The following KEAP1 variants were observed in gnomAD, a reference collection of about 807,000 sequenced individuals.
KEAP1 encodes the protein kelch like ECH associated protein 1, also known as kelch-like ECH-associated protein 1.
A neutral mutation model predicts 59.7 loss-of-function variants in KEAP1; 26 were observed. The ratio of observed to expected loss-of-function variants is 0.44; its 90% confidence interval spans 0.32 to 0.60. The LOEUF (loss-of-function observed/expected upper bound fraction) is 0.60, where lower values mean the gene tolerates loss of function less well. Ranked by LOEUF, KEAP1 falls within the 20% of genes least tolerant of loss-of-function variation. The pLI is 0.06. For missense variants in KEAP1, 539 were observed against 871.4 expected, an observed-to-expected ratio of 0.62 and a Z score of 4.80; for synonymous variants, 350 against 358.3, an observed-to-expected ratio of 0.98 and a Z score of 0.26.
rs781660010 is a variant in KEAP1 at position 10,492,032 on chromosome 19, G to A, written c.870C>T (p.Ile290=). The part of the protein sequence containing the change: ...FLQMQLQKCE[I]LQSDSRCKDY... ...CCTTGCAGCGGGAGTCGGACTGCAG[G>A]ATCTCGCACTTCTGCAGCTGCATCT... Residue 290 remains isoleucine (I), a synonymous_variant, in exon 3 of 6, where the codon ATC becomes ATT. Coordinates refer to ENST00000171111, the MANE Select transcript of KEAP1 (RefSeq NM_203500.2). 7 of 1,614,056 alleles carry A rather than the reference G, an allele frequency of 4.3e-6. No individual in the cohort carries two copies. Among genetic ancestry groups the A allele is most frequent in the Non-Finnish European group, 5.9e-6 (7 of 1,180,040 alleles).
intron 1 of KEAP1, among the ~76,000 whole-genome samples, chr19:10,500,569 A>G (rs1408240033): frequency 6.6e-6 from 1 of 152,156 alleles, no homozygotes; most frequent in Non-Finnish European, 1.5e-5. Context: ...AGAGCTGACA[A>G]CTGCAGGGAG....
In KEAP1 at chr19:10,491,658, C is replaced by T. The variant is rs1379198956; in HGVS notation, c.1244G>A (p.Arg415His). Residue 415 changes from arginine to histidine, a missense_variant, in exon 3 of 6, where the codon CGC (arginine) becomes CAC (histidine). This residue lies in a region of KEAP1 where 311 missense variants were observed against 425.2 expected (regional missense o/e 0.73). Coordinates refer to ENST00000171111, the MANE Select transcript of KEAP1 (RefSeq NM_203500.2). The surrounding 1 kb of genome is among the most constrained non-coding windows in gnomAD (Gnocchi z 5.2). ...PCAPMSVPRNRIGVGVIDGHI... is the reference protein window; with the variant it reads ...PCAPMSVPRNHIGVGVIDGHI... The stretch of plus-strand genomic sequence containing the variant: ...GCCATCGATGACCCCCACCCCGATG[C>T]GGTTACGGGGCACGCTCATGGGGGC... The T allele has an allele frequency of 1.3e-6, 2 of 1,589,610 alleles. No individual in the cohort carries two copies. Among genetic ancestry groups the T allele is most frequent in the Non-Finnish European group, 1.7e-6 (2 of 1,169,170 alleles).
chr19:10,496,197 GAAAAA>G (rs67843150), intron 2 of KEAP1, among the ~76,000 whole-genome samples: 1 of 117,524 alleles, frequency 8.5e-6, no homozygotes, highest in African/African-American at 3.0e-5. Flanking sequence ...TCTAAAAAAA[GAAAAA>G]AAAAAAAAAA....
At chr19:10,492,324 G>C (rs913596100) in intron 2 of KEAP1, 62 bp from the exon 3 acceptor site, 1 of 1,297,422 alleles carries the variant, frequency 7.7e-7, no homozygotes, top group East Asian at 2.4e-5. Flanking sequence ...CACCAAGCAG[G>C]ACCGGGACAA....
rs1914654151 is a variant in KEAP1 at position 10,491,159 on chromosome 19, A to G, written c.1325+418T>C. 6.6e-6 allele frequency among the ~76,000 whole-genome samples: 1 copy of G among 152,102 alleles called. No homozygotes were observed. Among genetic ancestry groups the G allele is most frequent in the East Asian group, 1.9e-4 (1 of 5,178 alleles). ...ACTTGAACCTGGGAGGCGAGGTTGC[A>G]GTGACCCAAGATGCACTCCAGCCTG... On this transcript the variant is annotated intron_variant, in intron 3 of 5. Coordinates refer to ENST00000171111, the MANE Select transcript of KEAP1 (RefSeq NM_203500.2). This position sits in a 1 kb window ranked among gnomAD's most constrained non-coding sequence, Gnocchi z 5.2.
intron 5 of KEAP1, 93 bp downstream of exon 5, chr19:10,489,094 TAAAAA>T (rs33966407): frequency 0.012 from 5,224 of 421,938 alleles, no homozygotes; most frequent in East Asian, 0.026. Context: ...ACCTTGTTTC[TAAAAA>T]AAAAAAAAAA....
chr19:10,499,176 G>A lies in KEAP1; in HGVS notation c.639+219C>T, dbSNP rs1215916431. 6.6e-6 allele frequency among the ~76,000 whole-genome samples: 1 copy of A among 151,948 alleles called. No homozygotes were observed. The highest frequency in any genetic ancestry group is 6.6e-5 in the Admixed American group (1 of 15,214). ...TGTGTGTTTGTTTGTTTAGAGACAG[G>A]GTGTCATTATGTTGCCTGGGCTGGT... is the stretch of plus-strand genomic sequence containing the variant. On this transcript the variant is annotated intron_variant, in intron 2 of 5. Transcript: ENST00000171111. This position sits in a 1 kb window ranked among gnomAD's most constrained non-coding sequence, Gnocchi z 6.7.
chr19:10,497,326 G>C (rs1914886532), intron 2 of KEAP1, among the ~76,000 whole-genome samples: 1 of 152,240 alleles, frequency 6.6e-6, no homozygotes, highest in East Asian at 1.9e-4. Flanking sequence ...ATAGAGGGTA[G>C]GAAAGAATCT....
intron 5 of KEAP1, among the ~76,000 whole-genome samples, chr19:10,487,466 C>T (rs557490288): frequency 2.7e-5 from 4 of 149,602 alleles, no homozygotes; most frequent in Admixed American, 6.7e-5. Context: ...AGGCCAGCCT[C>T]GCCAACAGAG....
rs1473033565 is a variant in KEAP1 at position 10,500,172 on chromosome 19, G to T, written c.-47-92C>A. 1.9e-5 allele frequency: 18 copies of T among 934,190 alleles called. No individual in the cohort carries two copies. In the East Asian group the frequency reaches 4.6e-4, roughly 24 times the overall value. The allele number at this position is 934,190 out of a possible 1,614,324, so 57.9% of individuals were successfully genotyped here. A position where few individuals can be genotyped will look rare whatever the true frequency, so the allele number is the denominator to read the frequency against. Reference sequence around the variant, plus strand: ...TTTTGCAAGATAAAGCAATTCCTAGGTCAGTTTTCCTGCAAAGTAGGTGAA... The same window carrying T: ...TTTTGCAAGATAAAGCAATTCCTAGTTCAGTTTTCCTGCAAAGTAGGTGAA... On this transcript the variant is annotated intron_variant, in intron 1 of 5. Coordinates refer to ENST00000171111, the MANE Select transcript of KEAP1 (RefSeq NM_203500.2).
chr19:10,486,371 C>T lies in KEAP1; in HGVS notation c.*281G>A. 2.7e-6 allele frequency: 1 copy of T among 373,872 alleles called. No individual in the cohort carries two copies. Among genetic ancestry groups the T allele is most frequent in the Non-Finnish European group, 4.9e-6 (1 of 204,792 alleles). The allele number at this position is 373,872 out of a possible 1,614,324, so 23.2% of individuals were successfully genotyped here. On this transcript the variant is annotated 3_prime_UTR_variant, in exon 6 of 6. Transcript: ENST00000171111. ...GGGTGAGTGGGACCCAGGCCTATTA[C>T]CCGGCCAGAGGGTTTGGGGGCCTCT...
At chr19:10,501,861 A>G (rs996935041) in intron 1 of KEAP1, among the ~76,000 whole-genome samples, 1 of 152,034 alleles carries the variant, frequency 6.6e-6, no homozygotes, top group African/African-American at 2.4e-5. Context: ...TTACGTTTCA[A>G]AAGGAGTGGG....
intron 3 of KEAP1, among the ~76,000 whole-genome samples, 173 bp from the exon 4 acceptor site, chr19:10,490,026 C>A (rs542180549): frequency 2.0e-5 from 3 of 151,328 alleles, no homozygotes; most frequent in African/African-American, 2.4e-5. Flanking sequence ...CCGAGGAGGG[C>A]GGATCACCTG....
intron 2 of KEAP1, among the ~76,000 whole-genome samples, chr19:10,497,211 C>CACTGTATATGTTTCTCCT (rs1191228102): frequency 6.6e-6 from 1 of 151,838 alleles, no homozygotes; most frequent in Non-Finnish European, 1.5e-5. Context: ...AAGAAAGAAA[C>CACTGTATATGTTTCTCCT]ACTGTATATG....
chr19:10,494,206 T>C (rs1322206502), intron 2 of KEAP1, among the ~76,000 whole-genome samples: 2 of 152,048 alleles, frequency 1.3e-5, no homozygotes, highest in East Asian at 3.9e-4. Flanking sequence ...CCTTCCAAAG[T>C]GCTGGGATTA....
rs1914962661 is a variant in KEAP1 at position 10,499,494 on chromosome 19, G to A, written c.540C>T (p.Asp180=). 6.2e-7 allele frequency: 1 copy of A among 1,614,014 alleles called. No homozygotes were observed. Among genetic ancestry groups the A allele is most frequent in the Non-Finnish European group, 8.5e-7 (1 of 1,180,042 alleles). ...TGGCGATGCCGATGGCATTGCTGGG[G>A]TCCAGCTGCTGCACCAGGAAGTCAC... ...ACSDFLVQQL[D]PSNAIGIANF... The change falls in exon 2 of 6, where the codon GAC becomes GAT. Residue 180 remains aspartate (D), a synonymous_variant. Coordinates refer to ENST00000171111, the MANE Select transcript of KEAP1 (RefSeq NM_203500.2). The surrounding 1 kb of genome is among the most constrained non-coding windows in gnomAD (Gnocchi z 6.7).
At position 10,492,391 on chromosome 19, in the gene KEAP1, AAAT is replaced by A. The variant is rs1914705634; in HGVS notation, c.640-132_640-130del. 4 of 690,352 alleles carry A rather than the reference AAAT, an allele frequency of 5.8e-6. No homozygotes were observed. In the African/African-American group the frequency reaches 7.2e-5, roughly 12 times the overall value. The allele number at this position is 690,352 out of a possible 1,614,324, so 42.8% of individuals were successfully genotyped here. On this transcript the variant is annotated intron_variant, in intron 2 of 5. Coordinates refer to ENST00000171111, the MANE Select transcript of KEAP1 (RefSeq NM_203500.2). ...TTCCTTATCTGCTAAATGGGGATTC[AAAT>A]AATAGGAACCGCGTACATTGTGATG...
Position 10,489,836 on chromosome 19 carries a change from T to A in KEAP1, c.1343A>T (p.Asp448Val). The stretch of plus-strand genomic sequence containing the variant: ...CATTGGGGCCACCAAGTGCCACTCA[T>A]CCCGCTCTGGCTCATACCTGCAAGG... ...NSVERYEPER[D>V]EWHLVAPMLT... The change falls in exon 4 of 6, where the codon GAT becomes GTT. Residue 448 changes from aspartate (D) to valine (V), a missense_variant. This residue lies in a region of KEAP1 where 311 missense variants were observed against 425.2 expected (regional missense o/e 0.73). Coordinates refer to ENST00000171111, the MANE Select transcript of KEAP1 (RefSeq NM_203500.2). 1 of 1,613,750 alleles carries A rather than the reference T, an allele frequency of 6.2e-7. No individual in the cohort carries two copies. Among genetic ancestry groups the A allele is most frequent in the Non-Finnish European group, 8.5e-7 (1 of 1,179,936 alleles).
chr19:10,490,194 G>T (rs1404095075), intron 3 of KEAP1: 20 of 271,638 alleles, frequency 7.4e-5, no homozygotes, highest in Non-Finnish European at 1.2e-4. Flanking sequence ...GGAGGTTGCA[G>T]CGAGCTGAGA....
Sources: gnomAD v4.1 joint callset for allele counts (sites outside exome capture counted in the v4.1 genomes callset) on GRCh38, gnomAD v4.1.1 for gene constraint, gnomAD v4.1.1 regional missense constraint, Gnocchi (gnomAD v3.1) non-coding constraint, MANE v1.5 for transcripts, NCBI Gene and HGNC (gene_info 2026-07-23, HGNC 2026-07-21) for gene names.